Variants in SH3GL2 observed in about 807,000 individuals in gnomAD.
SH3GL2 encodes the protein SH3 domain containing GRB2 like 2, endophilin A1, also known as endophilin-A1.
Under a neutral mutation model 46.0 loss-of-function variants are expected in SH3GL2, and 24 were observed. The observed-to-expected ratio is 0.52, with a 90% CI of 0.38 to 0.73. SH3GL2 has a LOEUF of 0.73. Among genes scored for constraint, SH3GL2 ranks in the 30% least tolerant of loss-of-function variants. The probability of loss-of-function intolerance (pLI) is 0.00; values close to 1 mark genes in which losing one functional copy is unlikely to be tolerated. For missense variants in SH3GL2, 413 were observed against 424.2 expected (o/e 0.97, Z 0.23); for synonymous variants, 196 against 147.1 (o/e 1.33, Z -2.40).
chr9:17,741,397 A>T (rs1822525127), intron 1 of SH3GL2, among the ~76,000 whole-genome samples: 7 of 152,218 alleles, frequency 4.6e-5, no homozygotes, highest in Admixed American at 4.6e-4. Context: ...ATTAATACTA[A>T]TTGCAGTTGT....
At chr9:17,636,243 T>C (rs1279083254) in intron 1 of SH3GL2, among the ~76,000 whole-genome samples, 1 of 152,204 alleles carries the variant, frequency 6.6e-6, no homozygotes. Flanking sequence ...AATGCATTTC[T>C]AGGCCCTAGC....
At chr9:17,588,524 T>G (rs1045752342) in intron 1 of SH3GL2, among the ~76,000 whole-genome samples, 1 of 152,092 alleles carries the variant, frequency 6.6e-6, no homozygotes, top group African/African-American at 2.4e-5. Context: ...GTTGTTGGTT[T>G]AAAGAGGGAG....
intron 1 of SH3GL2, among the ~76,000 whole-genome samples, chr9:17,620,047 A>G (rs1344305090): frequency 6.6e-6 from 1 of 152,222 alleles, no homozygotes; most frequent in Non-Finnish European, 1.5e-5. Context: ...TGGTCAGGAA[A>G]CAAGTAGTTG....
chr9:17,783,608 G>A (rs1298279714), intron 3 of SH3GL2, among the ~76,000 whole-genome samples: 1 of 152,030 alleles, frequency 6.6e-6, no homozygotes, highest in Non-Finnish European at 1.5e-5. Flanking sequence ...GCCCCCATTT[G>A]TCTTCCTTAA....
chr9:17,614,174 C>T (rs953824983), intron 1 of SH3GL2, among the ~76,000 whole-genome samples: 8 of 151,742 alleles, frequency 5.3e-5, no homozygotes, highest in Non-Finnish European at 8.8e-5. Flanking sequence ...TTTCTAGGTG[C>T]TGTAAATTGC....
At chr9:17,643,361 T>G (rs1284987035) in intron 1 of SH3GL2, among the ~76,000 whole-genome samples, 1 of 152,012 alleles carries the variant, frequency 6.6e-6, no homozygotes, top group East Asian at 1.9e-4. Flanking sequence ...TCTCTTCCTA[T>G]TTGAATACCT....
At chr9:17,579,464 C>T (rs1177776881) in intron 1 of SH3GL2, among the ~76,000 whole-genome samples, 177 bp downstream of exon 1, 1 of 151,902 alleles carries the variant, frequency 6.6e-6, no homozygotes, top group Non-Finnish European at 1.5e-5. Flanking sequence ...TCTGGGCGTC[C>T]ACCCTCGGTC....
At chr9:17,602,436 C>CTAAG (rs1249751625) in intron 1 of SH3GL2, among the ~76,000 whole-genome samples, 1 of 152,134 alleles carries the variant, frequency 6.6e-6, no homozygotes, top group Non-Finnish European at 1.5e-5. Context: ...TTTCCTCTTT[C>CTAAG]TAAGTGTTTT....
chr9:17,745,235 A>T (rs1822647532), intron 1 of SH3GL2, among the ~76,000 whole-genome samples: 1 of 152,168 alleles, frequency 6.6e-6, no homozygotes, highest in Non-Finnish European at 1.5e-5. Context: ...ACTTTGAATC[A>T]TTGCCCTTTA....
chr9:17,787,102 C>A (rs944885832), intron 4 of SH3GL2, among the ~76,000 whole-genome samples: 1 of 152,166 alleles, frequency 6.6e-6, no homozygotes, highest in African/African-American at 2.4e-5. Context: ...GCTAGTCCCA[C>A]ATTAGGGAAA....
At chr9:17,592,514 A>G (rs2134549482) in intron 1 of SH3GL2, among the ~76,000 whole-genome samples, 1 of 152,332 alleles carries the variant, frequency 6.6e-6, no homozygotes, top group South Asian at 2.1e-4. Flanking sequence ...AGTCCTGGAT[A>G]CTCTTGCCTG....
intron 1 of SH3GL2, among the ~76,000 whole-genome samples, chr9:17,673,641 C>G (rs1020682680): frequency 8.5e-5 from 13 of 152,290 alleles, no homozygotes; most frequent in African/African-American, 3.1e-4. Flanking sequence ...CCATGATCTC[C>G]TTGTCCATCT....
chr9:17,624,773 G>A (rs1012447822), intron 1 of SH3GL2, among the ~76,000 whole-genome samples: 3 of 152,160 alleles, frequency 2.0e-5, no homozygotes, highest in Non-Finnish European at 4.4e-5. Flanking sequence ...GTTCCTTTGA[G>A]GATCCCAGAT....
intron 1 of SH3GL2, among the ~76,000 whole-genome samples, chr9:17,682,868 G>A (rs962909392): frequency 2.0e-5 from 3 of 152,018 alleles, no homozygotes; most frequent in East Asian, 1.9e-4. Flanking sequence ...TTCAAACTCC[G>A]GAAGCTTTTG....
intron 3 of SH3GL2, among the ~76,000 whole-genome samples, chr9:17,766,998 G>T (rs1823336859): frequency 1.3e-5 from 2 of 152,196 alleles, no homozygotes; most frequent in Admixed American, 6.5e-5. Context: ...TAGACAGTTG[G>T]ACTGTGGACC....
intron 1 of SH3GL2, among the ~76,000 whole-genome samples, chr9:17,620,877 G>A (rs372829965): frequency 2.4e-4 from 37 of 152,256 alleles, no homozygotes; most frequent in African/African-American, 8.9e-4. Context: ...AAAGGGGGAG[G>A]TAAGCAGAGG....
chr9:17,731,728 C>G (rs1822189475), intron 1 of SH3GL2, among the ~76,000 whole-genome samples: 1 of 152,134 alleles, frequency 6.6e-6, no homozygotes, highest in African/African-American at 2.4e-5. Context: ...GGATGGAAGC[C>G]TTAGTTTAGT....
At chr9:17,594,270 T>C (rs752649733) in intron 1 of SH3GL2, among the ~76,000 whole-genome samples, 1 of 152,214 alleles carries the variant, frequency 6.6e-6, no homozygotes, top group South Asian at 2.1e-4. Context: ...CTTGCAATTA[T>C]GCCATACGTT....
chr9:17,685,926 G>A (rs1217264987), intron 1 of SH3GL2, among the ~76,000 whole-genome samples: 17 of 151,108 alleles, frequency 1.1e-4, no homozygotes, highest in Non-Finnish European at 2.1e-4. Flanking sequence ...GGCAACAAAA[G>A]ACAAAATTGA....
Sources: gnomAD v4.1 joint callset for allele counts (sites outside exome capture counted in the v4.1 genomes callset) on GRCh38, gnomAD v4.1.1 for gene constraint, MANE v1.5 for transcripts, NCBI Gene and HGNC (gene_info 2026-07-23, HGNC 2026-07-21) for gene names.